CADM2: variants seen among roughly 807,000 people sequenced by gnomAD.
The protein encoded by CADM2 is immunoglobulin superfamily member 4D.
In CADM2, 12 loss-of-function variants were observed where a neutral mutation model predicts 49.8. The observed-to-expected ratio is 0.24, with a 90% CI of 0.15 to 0.39. The LOEUF is 0.39. Ranked by LOEUF, CADM2 falls within the 10% of genes least tolerant of loss-of-function variation. The probability of loss-of-function intolerance (pLI) is 1.00; values close to 1 mark genes in which losing one functional copy is unlikely to be tolerated. For synonymous variants in CADM2, 214 were observed against 175.4 expected, an observed-to-expected ratio of 1.22 and a Z score of -1.74; for missense variants, 378 against 492.3, an observed-to-expected ratio of 0.77 and a Z score of 2.20.
intron 8 of CADM2, among the ~76,000 whole-genome samples, chr3:86,062,689 G>C (rs764020026): frequency 6.6e-6 from 1 of 152,118 alleles, no homozygotes; most frequent in Non-Finnish European, 1.5e-5. Context: ...TACTTGGAAG[G>C]CTGAGGCAGT....
intron 3 of CADM2, among the ~76,000 whole-genome samples, chr3:85,808,422 A>C (rs1010914015): frequency 6.6e-6 from 1 of 152,082 alleles, no homozygotes; most frequent in African/African-American, 2.4e-5. Flanking sequence ...ACACCACATA[A>C]ATGCTGTGTG....
At chr3:85,072,356 A>C (rs1185344090) in intron 1 of CADM2, among the ~76,000 whole-genome samples, 1 of 152,066 alleles carries the variant, frequency 6.6e-6, no homozygotes, top group Non-Finnish European at 1.5e-5. Flanking sequence ...ACTGCTTTTA[A>C]CATCCAGTCT....
chr3:85,903,745 T>A (rs996251605), intron 5 of CADM2, among the ~76,000 whole-genome samples: 1 of 152,196 alleles, frequency 6.6e-6, no homozygotes, highest in Admixed American at 6.5e-5. Flanking sequence ...TTCTTTCCTG[T>A]TGTCTCTGTT....
chr3:85,337,303 T>A (rs2045116569), intron 1 of CADM2, among the ~76,000 whole-genome samples: 1 of 151,000 alleles, frequency 6.6e-6, no homozygotes, highest in Admixed American at 6.7e-5. Flanking sequence ...TTAAATAGAA[T>A]TTTAATGAGG....
chr3:85,879,487 A>G (rs1394170646), intron 3 of CADM2, among the ~76,000 whole-genome samples: 4 of 152,110 alleles, frequency 2.6e-5, no homozygotes, highest in African/African-American at 9.7e-5. Flanking sequence ...ATTTTCCCAA[A>G]GGCTATATAT....
intron 1 of CADM2, among the ~76,000 whole-genome samples, chr3:84,998,585 T>G (rs527645361): frequency 1.1e-3 from 163 of 152,250 alleles, no homozygotes; most frequent in African/African-American, 3.7e-3. Flanking sequence ...CAAGAGTAGA[T>G]TTGACCAGCA....
At chr3:85,461,216 A>G (rs2038229663) in intron 1 of CADM2, among the ~76,000 whole-genome samples, 1 of 152,106 alleles carries the variant, frequency 6.6e-6, no homozygotes. Flanking sequence ...AATTTAACAC[A>G]TAAAAAGGCT....
chr3:85,936,114 C>G (rs1465093318), intron 7 of CADM2, among the ~76,000 whole-genome samples: 1 of 151,492 alleles, frequency 6.6e-6, no homozygotes, highest in Non-Finnish European at 1.5e-5. Context: ...GATATTTTAA[C>G]CTGAATGGAG....
At chr3:85,601,311 A>G (rs932223275) in intron 1 of CADM2, among the ~76,000 whole-genome samples, 3 of 150,552 alleles carry the variant, frequency 2.0e-5, no homozygotes, top group African/African-American at 7.3e-5. Flanking sequence ...TATTAATTGT[A>G]TATCAATTTA....
At chr3:84,979,952 C>T (rs1463169874) in intron 1 of CADM2, among the ~76,000 whole-genome samples, 1 of 152,004 alleles carries the variant, frequency 6.6e-6, no homozygotes, top group Admixed American at 6.6e-5. Flanking sequence ...TGTAACTAAT[C>T]CAAAATTTCA....
chr3:85,126,396 G>C (rs1164327807), intron 1 of CADM2, among the ~76,000 whole-genome samples: 1 of 151,994 alleles, frequency 6.6e-6, no homozygotes, highest in African/African-American at 2.4e-5. Context: ...CAATAATATA[G>C]TATATTTTAA....
intron 1 of CADM2, among the ~76,000 whole-genome samples, chr3:85,073,792 C>A (rs779571517): frequency 9.2e-5 from 14 of 152,046 alleles, no homozygotes; most frequent in Non-Finnish European, 1.5e-4. Context: ...TTCACACTGA[C>A]AGCACCTCTC....
At chr3:85,607,563 C>T (rs763077929) in intron 1 of CADM2, among the ~76,000 whole-genome samples, 2 of 152,124 alleles carry the variant, frequency 1.3e-5, no homozygotes, top group African/African-American at 2.4e-5. Context: ...GATGGATTCT[C>T]CAATCACCCT....
intron 1 of CADM2, among the ~76,000 whole-genome samples, chr3:85,443,784 C>T (rs1296309035): frequency 1.3e-5 from 2 of 152,124 alleles, no homozygotes; most frequent in South Asian, 2.1e-4. Flanking sequence ...CTCTTTTTCC[C>T]TTGTGATCAC....
chr3:85,590,034 A>T (rs1439817054), intron 1 of CADM2, among the ~76,000 whole-genome samples: 2 of 152,006 alleles, frequency 1.3e-5, no homozygotes, highest in African/African-American at 4.8e-5. Context: ...TACATTTAAA[A>T]ACAGGTTCAA....
At chr3:86,007,609 T>C (rs1219492975) in intron 8 of CADM2, among the ~76,000 whole-genome samples, 1 of 152,154 alleles carries the variant, frequency 6.6e-6, no homozygotes, top group Non-Finnish European at 1.5e-5. Context: ...GCTAAGCAAA[T>C]GCCATTTAAA....
intron 1 of CADM2, among the ~76,000 whole-genome samples, chr3:85,351,084 C>T (rs556104008): frequency 2.4e-4 from 37 of 152,220 alleles, no homozygotes; most frequent in South Asian, 2.1e-3. Flanking sequence ...TTAGTGCCAT[C>T]GTCTGGAAGG....
At position 86,065,701 on chromosome 3, in the gene CADM2, T is replaced by A; in HGVS notation, c.1067T>A (p.Leu356Gln). Residue 356 changes from leucine to glutamine, a missense_variant, in exon 9 of 10, where the codon CTG becomes CAG. Physicochemically the swap from Leu to Gln is moderately radical, Grantham distance 113. Transcript: ENST00000383699. ...TTTGTCACGCTGTGTTCTATCTTTCTGCTTGGTCGATATCTGGCAAGGCAT... is the reference window on the plus strand; with the variant it reads ...TTTGTCACGCTGTGTTCTATCTTTCAGCTTGGTCGATATCTGGCAAGGCAT... The part of the protein sequence containing the change: ...VVFVTLCSIF[L>Q]LGRYLARHKG... The A allele has an allele frequency of 6.2e-7, 1 of 1,614,078 alleles. No homozygotes were observed. The highest frequency in any genetic ancestry group is 8.5e-7 in the Non-Finnish European group (1 of 1,179,964).
chr3:85,856,985 A>G (rs957406621), intron 3 of CADM2, among the ~76,000 whole-genome samples: 1 of 152,330 alleles, frequency 6.6e-6, no homozygotes, highest in Non-Finnish European at 1.5e-5. Context: ...TAATTTACTT[A>G]CAAGCAACAG....
Sources: allele counts gnomAD v4.1 joint callset (sites outside exome capture counted in the v4.1 genomes callset), GRCh38; gene constraint gnomAD v4.1.1; transcripts MANE v1.5; gene names NCBI Gene and HGNC (gene_info 2026-07-23, HGNC 2026-07-21).